The following MYO1E variants were observed in gnomAD, a reference collection of about 807,000 sequenced individuals.
MYO1E encodes unconventional myosin-Ie.
In MYO1E, 68 loss-of-function variants were observed where a neutral mutation model predicts 151.1. The observed-to-expected ratio is 0.45, with a 90% CI of 0.37 to 0.55. MYO1E has a LOEUF of 0.55. MYO1E is among the 20% of genes least tolerant of loss of function. The pLI is 0.00. For missense variants in MYO1E, 1,363 were observed against 1,389.3 expected, an observed-to-expected ratio of 0.98 and a Z score of 0.30; for synonymous variants, 601 against 501.7, an observed-to-expected ratio of 1.20 and a Z score of -2.64.
intron 1 of MYO1E, among the ~76,000 whole-genome samples, chr15:59,319,919 C>G (rs182519660): frequency 6.4e-4 from 97 of 151,998 alleles, no homozygotes; most frequent in African/African-American, 2.1e-3. Flanking sequence ...AACAAACAAA[C>G]AAAGAAAGAA....
intron 1 of MYO1E, among the ~76,000 whole-genome samples, chr15:59,281,225 T>C (rs1337865778): frequency 6.6e-6 from 1 of 152,214 alleles, no homozygotes; most frequent in African/African-American, 2.4e-5. Context: ...CTGGGATTAC[T>C]ATGATGTCTG....
chr15:59,155,710 T>A (rs1292921935), intron 25 of MYO1E, among the ~76,000 whole-genome samples: 1 of 152,190 alleles, frequency 6.6e-6, no homozygotes, highest in Non-Finnish European at 1.5e-5. Context: ...TTGGATTTTC[T>A]TCAAAGAAGA....
At chr15:59,232,449 T>C (rs1566987082) in intron 5 of MYO1E, among the ~76,000 whole-genome samples, 1 of 152,212 alleles carries the variant, frequency 6.6e-6, no homozygotes, top group African/African-American at 2.4e-5. Flanking sequence ...GGGTCAACAG[T>C]GGATCGTGTG....
intron 16 of MYO1E, among the ~76,000 whole-genome samples, chr15:59,200,710 T>C (rs2079795974): frequency 6.6e-6 from 1 of 152,226 alleles, no homozygotes; most frequent in Non-Finnish European, 1.5e-5. Flanking sequence ...AGAGCATACA[T>C]ATACATCTTG....
intron 20 of MYO1E, 35 bp downstream of exon 20, chr15:59,174,091 T>G (rs1321197110): frequency 2.5e-6 from 4 of 1,575,214 alleles, no homozygotes; most frequent in Non-Finnish European, 3.5e-6. Context: ...CTCTTCAGAT[T>G]TATTAAAATC....
At chr15:59,317,246 A>T (rs1179513250) in intron 1 of MYO1E, among the ~76,000 whole-genome samples, 1 of 152,248 alleles carries the variant, frequency 6.6e-6, no homozygotes, top group African/African-American at 2.4e-5. Context: ...ACAGTCCAAT[A>T]AGGCAAACAC....
At chr15:59,288,679 A>G (rs2080401653) in intron 1 of MYO1E, among the ~76,000 whole-genome samples, 1 of 152,214 alleles carries the variant, frequency 6.6e-6, no homozygotes, top group African/African-American at 2.4e-5. Context: ...GGCTAATAAG[A>G]TAATAGGAGG....
At chr15:59,371,552 AGGGAG>A (rs2080944684) in intron 1 of MYO1E, among the ~76,000 whole-genome samples, 1 of 151,876 alleles carries the variant, frequency 6.6e-6, no homozygotes, top group Non-Finnish European at 1.5e-5. Flanking sequence ...TTATACAGGG[AGGGAG>A]GGGAGTGTAG....
intron 15 of MYO1E, among the ~76,000 whole-genome samples, chr15:59,205,001 G>A (rs2079823936): frequency 6.6e-6 from 1 of 152,206 alleles, no homozygotes; most frequent in Admixed American, 6.5e-5. Context: ...GAATTTGGGG[G>A]CATGAAGTGT....
intron 1 of MYO1E, among the ~76,000 whole-genome samples, chr15:59,296,036 C>T (rs1468870857): frequency 2.0e-5 from 3 of 152,154 alleles, no homozygotes; most frequent in Non-Finnish European, 4.4e-5. Flanking sequence ...AAAAAACAAA[C>T]AGCTCTTTAA....
chr15:59,180,903 T>C (rs182743851), intron 18 of MYO1E, among the ~76,000 whole-genome samples: 1 of 152,364 alleles, frequency 6.6e-6, no homozygotes, highest in African/African-American at 2.4e-5. Flanking sequence ...AGTTTAAGAC[T>C]CAAATATGCT....
intron 1 of MYO1E, among the ~76,000 whole-genome samples, chr15:59,300,407 T>C (rs1021772700): frequency 6.6e-6 from 1 of 152,150 alleles, no homozygotes. Flanking sequence ...TTCCCATTTC[T>C]GAGTCTTTAT....
At chr15:59,165,134 T>C (rs910047673) in intron 22 of MYO1E, among the ~76,000 whole-genome samples, 13 of 152,168 alleles carry the variant, frequency 8.5e-5, no homozygotes, top group African/African-American at 2.9e-4. Context: ...TGTTTACATA[T>C]TACCCACTTT....
chr15:59,263,032 A>G (rs1596390114), intron 2 of MYO1E, among the ~76,000 whole-genome samples: 1 of 150,668 alleles, frequency 6.6e-6, no homozygotes, highest in South Asian at 2.1e-4. Context: ...GAGAAAAAAA[A>G]TCTAAACAAC....
intron 1 of MYO1E, among the ~76,000 whole-genome samples, chr15:59,337,015 ACTC>A (rs2080732963): frequency 8.0e-6 from 1 of 124,710 alleles, no homozygotes; most frequent in Non-Finnish European, 1.6e-5. Context: ...TGGGTTGACA[ACTC>A]CTAGTTTTAA....
intron 1 of MYO1E, among the ~76,000 whole-genome samples, chr15:59,352,045 G>A (rs2080826339): frequency 6.6e-6 from 1 of 152,206 alleles, no homozygotes; most frequent in South Asian, 2.1e-4. Flanking sequence ...AGTAATGGGA[G>A]AAAGTATAGC....
chr15:59,214,852 G>A (rs1186778133), intron 10 of MYO1E, 132 bp from the exon 11 acceptor site: 1 of 759,134 alleles, frequency 1.3e-6, no homozygotes, highest in African/African-American at 1.7e-5. Flanking sequence ...ACAAGTGAAG[G>A]CAGGAGACTT....
intron 18 of MYO1E, among the ~76,000 whole-genome samples, chr15:59,180,278 T>G (rs1321640047): frequency 6.6e-6 from 1 of 152,182 alleles, no homozygotes; most frequent in Admixed American, 6.5e-5. Flanking sequence ...AAATGACTAA[T>G]AGCAGAACCT....
rs2080317236 is a variant in MYO1E at position 59,276,112 on chromosome 15, C to T, written c.4-3663G>A. ...GCTCTGGGGCAACTAACCCTTCGCA[C>T]CCGTTTTGCCCCTCATTTCTTCCTC... On this transcript the variant is annotated intron_variant, in intron 1 of 27. Transcript: ENST00000288235. Among the ~76,000 whole-genome samples the T allele has an allele frequency of 2.6e-5, 4 of 152,180 alleles. No individual in the cohort carries two copies. In the South Asian group the frequency reaches 8.3e-4, roughly 32 times the overall value.
Sources: allele counts gnomAD v4.1 joint callset (sites outside exome capture counted in the v4.1 genomes callset), GRCh38; gene constraint gnomAD v4.1.1; transcripts MANE v1.5; gene names NCBI Gene and HGNC (gene_info 2026-07-23, HGNC 2026-07-21).